Variants in GRID2 observed in about 807,000 individuals in gnomAD.
The protein encoded by GRID2 is glutamate receptor ionotropic, delta-2.
A neutral mutation model predicts 114.8 loss-of-function variants in GRID2; 33 were observed. The observed-to-expected ratio is 0.29, with a 90% CI of 0.22 to 0.38. GRID2 has a LOEUF of 0.38. Ranked by LOEUF, GRID2 falls within the 10% of genes least tolerant of loss-of-function variation. The probability of loss-of-function intolerance (pLI) is 1.00; values close to 1 mark genes in which losing one functional copy is unlikely to be tolerated. For synonymous variants in GRID2, 505 were observed against 449.9 expected (o/e 1.12, Z -1.55); for missense variants, 1,184 against 1,257.7 (o/e 0.94, Z 0.89).
chr4:93,635,834 G>A (rs985320790), intron 14 of GRID2, among the ~76,000 whole-genome samples: 10 of 152,074 alleles, frequency 6.6e-5, no homozygotes, highest in African/African-American at 2.2e-4. Flanking sequence ...TCCAGTATGT[G>A]AATTTTTCAA....
chr4:93,154,564 C>G (rs1737003717), intron 4 of GRID2, among the ~76,000 whole-genome samples: 1 of 151,910 alleles, frequency 6.6e-6, no homozygotes. Context: ...AGATGAATCT[C>G]TTAGTGCAAT....
At chr4:92,538,597 T>C (rs564718465) in intron 1 of GRID2, among the ~76,000 whole-genome samples, 1 of 152,218 alleles carries the variant, frequency 6.6e-6, no homozygotes, top group African/African-American at 2.4e-5. Context: ...TTAAATAATA[T>C]AGGTCCAGCC....
chr4:93,107,799 T>G (rs1732393298), intron 3 of GRID2, among the ~76,000 whole-genome samples: 2 of 152,022 alleles, frequency 1.3e-5, no homozygotes, highest in Non-Finnish European at 2.9e-5. Context: ...CAGCCCCAAT[T>G]TAAAACATGC....
intron 11 of GRID2, among the ~76,000 whole-genome samples, chr4:93,476,436 A>G (rs1200360962): frequency 6.6e-6 from 1 of 152,130 alleles, no homozygotes; most frequent in Non-Finnish European, 1.5e-5. Context: ...CCTCTTTTCA[A>G]TTGAATTTCT....
At chr4:92,783,162 TAACTG>T (rs1739164522) in intron 2 of GRID2, among the ~76,000 whole-genome samples, 1 of 152,080 alleles carries the variant, frequency 6.6e-6, no homozygotes, top group Admixed American at 6.6e-5. Flanking sequence ...TCTGATCACT[TAACTG>T]AACTTTCAAA....
intron 2 of GRID2, among the ~76,000 whole-genome samples, chr4:93,028,367 C>G (rs1724074927): frequency 6.6e-6 from 1 of 151,934 alleles, no homozygotes; most frequent in African/African-American, 2.4e-5. Context: ...CAGTAGGGTG[C>G]TAGGTGTATC....
chr4:92,792,296 A>G (rs937483223), intron 2 of GRID2, among the ~76,000 whole-genome samples: 1 of 151,832 alleles, frequency 6.6e-6, no homozygotes, highest in Non-Finnish European at 1.5e-5. Context: ...CGTGAAGTTC[A>G]GAGTTGTTAG....
chr4:92,697,595 T>A (rs1734479544), intron 2 of GRID2, among the ~76,000 whole-genome samples: 1 of 152,152 alleles, frequency 6.6e-6, no homozygotes, highest in Admixed American at 6.5e-5. Context: ...CAGCCTATGT[T>A]GTGGTAGTGC....
chr4:92,901,064 A>T (rs1009233288), intron 2 of GRID2, among the ~76,000 whole-genome samples: 19 of 151,706 alleles, frequency 1.3e-4, no homozygotes, highest in Admixed American at 5.3e-4. Flanking sequence ...TTATACAATA[A>T]TTTTTTTTAG....
chr4:93,332,517 G>A (rs775577495), intron 8 of GRID2, among the ~76,000 whole-genome samples: 16 of 151,850 alleles, frequency 1.1e-4, no homozygotes, highest in Non-Finnish European at 1.9e-4. Context: ...CACATGTTTT[G>A]CTAGGATTAA....
At chr4:93,399,851 G>T (rs1043331468) in intron 9 of GRID2, among the ~76,000 whole-genome samples, 5 of 152,006 alleles carry the variant, frequency 3.3e-5, no homozygotes, top group African/African-American at 1.2e-4. Context: ...AGTCTTTCAG[G>T]ACACAGAGGA....
rs189505418 is a variant in GRID2 at position 93,504,557 on chromosome 4, T to C, written c.1998-10659T>C. Among the ~76,000 whole-genome samples the C allele has an allele frequency of 2.6e-4, 40 of 152,152 alleles. 1 individual carries two copies. The East Asian group carries it at 6.6e-3, about 25-fold the overall frequency. ...TGATTAGAAGTACGATGAAGTTTAA[T>C]AGGGACGAATATGTGATAATCACTC... On this transcript the variant is annotated intron_variant, in intron 12 of 15. Coordinates refer to ENST00000282020, the MANE Select transcript of GRID2 (RefSeq NM_001510.4).
intron 13 of GRID2, among the ~76,000 whole-genome samples, chr4:93,614,498 T>C: frequency 6.6e-6 from 1 of 152,170 alleles, no homozygotes; most frequent in East Asian, 1.9e-4. Context: ...GTAATAATAA[T>C]TATATATGTT....
At chr4:92,914,890 G>C (rs1265033348) in intron 2 of GRID2, among the ~76,000 whole-genome samples, 1 of 152,030 alleles carries the variant, frequency 6.6e-6, no homozygotes, top group Admixed American at 6.6e-5. Flanking sequence ...ATGTGTACAT[G>C]AGTCTTTAAA....
chr4:92,702,218 T>C (rs1734708752), intron 2 of GRID2: 1 of 152,154 alleles, frequency 6.6e-6, no homozygotes, highest in African/African-American at 2.4e-5. Context: ...ATAGATGATA[T>C]TATCTTAAGC....
chr4:93,515,272 C>A lies in GRID2; in HGVS notation c.2054C>A (p.Ser685Tyr). 1 of 1,608,020 alleles carries A rather than the reference C, an allele frequency of 6.2e-7. No individual in the cohort carries two copies. Among genetic ancestry groups the A allele is most frequent in the Non-Finnish European group, 8.5e-7 (1 of 1,174,762 alleles). ...TEIPYGTVLD[S>Y]AVYEHVRMKG... ...ATCCCTTATGGCACAGTCCTAGACT[C>A]TGCGGTATATGAGCATGTCCGCATG... The change falls in exon 13 of 16, where the codon TCT becomes TAT. Residue 685 changes from serine to tyrosine, a missense_variant. Coordinates refer to ENST00000282020, the MANE Select transcript of GRID2 (RefSeq NM_001510.4).
chr4:92,713,476 C>CATATACAT (rs1553919724), intron 2 of GRID2, among the ~76,000 whole-genome samples: 10 of 54,060 alleles, frequency 1.8e-4, no homozygotes, highest in South Asian at 1.9e-3. Context: ...TATACATATA[C>CATATACAT]ATATATATAT....
intron 2 of GRID2, among the ~76,000 whole-genome samples, chr4:92,664,800 C>CT (rs1007231066): frequency 2.0e-5 from 3 of 150,914 alleles, no homozygotes; most frequent in African/African-American, 7.3e-5. Flanking sequence ...CACTTGTAAC[C>CT]TTTTTAAATT....
At chr4:92,763,802 C>A (rs555166887) in intron 2 of GRID2, among the ~76,000 whole-genome samples, 6 of 152,104 alleles carry the variant, frequency 3.9e-5, no homozygotes, top group Non-Finnish European at 8.8e-5. Context: ...GTAGATGAGG[C>A]TAAATCACAA....
Sources: gnomAD v4.1 joint callset for allele counts (sites outside exome capture counted in the v4.1 genomes callset) on GRCh38, gnomAD v4.1.1 for gene constraint, MANE v1.5 for transcripts, NCBI Gene and HGNC (gene_info 2026-07-23, HGNC 2026-07-21) for gene names.